KMT2C: variants seen among roughly 807,000 people sequenced by gnomAD.
KMT2C encodes the protein histone-lysine N-methyltransferase 2C.
In KMT2C, 88 loss-of-function variants were observed where a neutral mutation model predicts 507.9. The ratio of observed to expected loss-of-function variants is 0.17; its 90% CI spans 0.15 to 0.21. The LOEUF (loss-of-function observed/expected upper bound fraction) is 0.21. KMT2C is among the 10% of genes least tolerant of loss of function. The probability of loss-of-function intolerance (pLI) is 1.00; values close to 1 mark genes in which losing one functional copy is unlikely to be tolerated. For synonymous variants in KMT2C, 2,049 were observed against 2,080.8 expected, an observed-to-expected ratio of 0.98 and a Z score of 0.42; for missense variants, 4,954 against 5,957.8, an observed-to-expected ratio of 0.83 and a Z score of 5.55.
intron 14 of KMT2C, among the ~76,000 whole-genome samples, chr7:152,239,279 C>A (rs2095340468): frequency 1.3e-5 from 2 of 152,106 alleles, no homozygotes; most frequent in South Asian, 4.1e-4. Context: ...TAGCTATAAA[C>A]AACCAAAACC....
intron 28 of KMT2C, among the ~76,000 whole-genome samples, chr7:152,194,942 CAATT>C (rs1443766487): frequency 6.6e-6 from 1 of 151,224 alleles, no homozygotes; most frequent in Non-Finnish European, 1.5e-5. Context: ...ATGTACAGTT[CAATT>C]ATTATGCACA....
chr7:152,435,469 G>A (rs2097909304), intron 1 of KMT2C, among the ~76,000 whole-genome samples, 157 bp downstream of exon 1: 1 of 145,818 alleles, frequency 6.9e-6, no homozygotes, highest in South Asian at 2.1e-4. Context: ...GAGGGGCGCG[G>A]GGCCGGGGCC....
rs549653036 is a variant in KMT2C at position 152,415,994 on chromosome 7, A to G, written c.161+19632T>C. Among the ~76,000 whole-genome samples, 1,450 of 152,332 alleles carry G rather than the reference A, an allele frequency of 9.5e-3. 32 individuals carry two copies. Among genetic ancestry groups the G allele is most frequent in the African/African-American group, 0.033 (1,365 of 41,580 alleles). ...AGATAAAGATTTTAATATATCATAC[A>G]TGACAAAGGTTTGATAAAACTAGAC... On this transcript the variant is annotated intron_variant, in intron 1 of 58. Coordinates refer to ENST00000262189, the MANE Select transcript of KMT2C (RefSeq NM_170606.3).
intron 9 of KMT2C, among the ~76,000 whole-genome samples, chr7:152,255,157 A>ATGTGTGTGTGTG (rs112731121): frequency 7.8e-6 from 1 of 128,376 alleles, no homozygotes; most frequent in African/African-American, 3.0e-5. Context: ...ATATATATAT[A>ATGTGTGTGTGTG]TGTGTGTGTG....
chr7:152,323,780 G>A (rs946767849), intron 3 of KMT2C, among the ~76,000 whole-genome samples: 5 of 144,008 alleles, frequency 3.5e-5, no homozygotes, highest in Admixed American at 6.9e-5. Context: ...GAAAAAGAGG[G>A]GGAGGGGAAG....
intron 1 of KMT2C, among the ~76,000 whole-genome samples, chr7:152,428,256 G>A (rs902207581): frequency 1.3e-5 from 2 of 152,014 alleles, no homozygotes; most frequent in Admixed American, 6.6e-5. Context: ...AGCCTACAAA[G>A]TATAGGCGCA....
rs552791321 is a variant in KMT2C at position 152,196,254 on chromosome 7, A to G, written c.4274-243T>C. 7.2e-4 allele frequency among the ~76,000 whole-genome samples: 110 copies of G among 152,350 alleles called. 7 individuals carry two copies. The South Asian group carries it at 0.023, about 32-fold the overall frequency. On this transcript the variant is annotated intron_variant, in intron 27 of 58. Coordinates refer to ENST00000262189, the MANE Select transcript of KMT2C (RefSeq NM_170606.3). ...ATGTATATTGAGACAAAATTTAAAG[A>G]CCTGTAGGCAATAAAAGTGAAACAG...
chr7:152,346,629 A>G (rs1399078404), intron 2 of KMT2C, among the ~76,000 whole-genome samples: 4 of 152,204 alleles, frequency 2.6e-5, no homozygotes, highest in African/African-American at 9.7e-5. Flanking sequence ...CCCTTGAACA[A>G]TGAGAGGGTT....
intron 52 of KMT2C, 83 bp from the exon 53 acceptor site, chr7:152,146,818 C>A: frequency 8.4e-7 from 1 of 1,186,668 alleles, no homozygotes. Flanking sequence ...TAACCACTCA[C>A]AAGGATTTAC....
At chr7:152,347,846 T>A (rs1439841637) in intron 2 of KMT2C, among the ~76,000 whole-genome samples, 1 of 152,174 alleles carries the variant, frequency 6.6e-6, no homozygotes. Context: ...CATCTACGCA[T>A]TTTTTCAAAT....
At chr7:152,428,890 C>T (rs1322682717) in intron 1 of KMT2C, among the ~76,000 whole-genome samples, 1 of 152,158 alleles carries the variant, frequency 6.6e-6, no homozygotes, top group Non-Finnish European at 1.5e-5. Context: ...TCCCTGTAAA[C>T]AGTTTATAAC....
chr7:152,169,860 AT>A (rs1475219052), intron 40 of KMT2C, among the ~76,000 whole-genome samples: 3 of 152,184 alleles, frequency 2.0e-5, no homozygotes, highest in Non-Finnish European at 1.5e-5. Context: ...AATAAAAAAA[AT>A]AAATAAAAAG....
chr7:152,167,542 G>T (rs932635339), intron 41 of KMT2C, among the ~76,000 whole-genome samples, 164 bp from the exon 42 acceptor site: 5 of 152,166 alleles, frequency 3.3e-5, no homozygotes, highest in Non-Finnish European at 7.3e-5. Context: ...TAAAATATCA[G>T]ATTTTAGAAA....
At chr7:152,434,545 G>A (rs1045077676) in intron 1 of KMT2C, among the ~76,000 whole-genome samples, 8 of 152,112 alleles carry the variant, frequency 5.3e-5, no homozygotes, top group African/African-American at 1.9e-4. Context: ...CTTCCTTCAC[G>A]TCCCAGCGCA....
chr7:152,381,864 T>C (rs1429438654), intron 1 of KMT2C, among the ~76,000 whole-genome samples: 1 of 152,224 alleles, frequency 6.6e-6, no homozygotes, highest in Non-Finnish European at 1.5e-5. Flanking sequence ...TCCAAGTGAA[T>C]GCCTCACATT....
At chr7:152,168,287 C>T (rs1188857831) in intron 41 of KMT2C, among the ~76,000 whole-genome samples, 5 of 152,136 alleles carry the variant, frequency 3.3e-5, no homozygotes, top group African/African-American at 1.2e-4. Context: ...TATTGTCATA[C>T]ATTAAGAATC....
chr7:152,239,035 A>G, intron 14 of KMT2C: 1 of 419,994 alleles, frequency 2.4e-6, no homozygotes, highest in Non-Finnish European at 4.3e-6. Context: ...TACAATTTAC[A>G]TTAAATATTT....
chr7:152,418,491 T>A (rs868606744), intron 1 of KMT2C, among the ~76,000 whole-genome samples: 1 of 151,884 alleles, frequency 6.6e-6, no homozygotes, highest in Non-Finnish European at 1.5e-5. Context: ...AGTGCAATGG[T>A]GTGGTCTTGG....
intron 18 of KMT2C, among the ~76,000 whole-genome samples, chr7:152,229,437 A>G (rs1427531331): frequency 6.6e-6 from 1 of 152,212 alleles, no homozygotes; most frequent in African/African-American, 2.4e-5. Context: ...CTTCAAAGTG[A>G]GCAGCGCTGA....
Sources: gnomAD v4.1 joint callset for allele counts (sites outside exome capture counted in the v4.1 genomes callset) on GRCh38, gnomAD v4.1.1 for gene constraint, MANE v1.5 for transcripts, NCBI Gene and HGNC (gene_info 2026-07-23, HGNC 2026-07-21) for gene names.